The following MTCL1 variants were observed in gnomAD, a reference collection of about 807,000 sequenced individuals.
MTCL1 encodes the protein microtubule cross-linking factor 1.
Under a neutral mutation model 141.4 loss-of-function variants are expected in MTCL1, and 79 were observed. The ratio of observed to expected loss-of-function variants is 0.56; its 90% confidence interval spans 0.47 to 0.67. The LOEUF is 0.67. Ranked by LOEUF, MTCL1 falls within the 30% of genes least tolerant of loss-of-function variation. The pLI is 0.00. For synonymous variants in MTCL1, 914 were observed against 875.8 expected, an observed-to-expected ratio of 1.04 and a Z score of -0.77; for missense variants, 2,177 against 2,113.9, an observed-to-expected ratio of 1.03 and a Z score of -0.59.
rs1002199788 is a variant in MTCL1, at chr18:8,824,128, G to C, written c.3189-571G>C. Reference sequence around the variant, plus strand: ...TTCCTGACCACCACTTCTTTGCCCTGGTGGTAGTCGTGCCCGAGCACTCCG... The same window carrying C: ...TTCCTGACCACCACTTCTTTGCCCTCGTGGTAGTCGTGCCCGAGCACTCCG... On this transcript the variant is annotated intron_variant, in intron 14 of 16. Transcript: ENST00000359865. Among the ~76,000 whole-genome samples the C allele has an allele frequency of 2.6e-5, 4 of 152,300 alleles. 1 individual carries two copies. The highest frequency in any genetic ancestry group is 9.6e-5 in the African/African-American group (4 of 41,562).
intron 4 of MTCL1, among the ~76,000 whole-genome samples, chr18:8,726,633 T>G (rs1402634986): frequency 1.3e-5 from 2 of 151,994 alleles, no homozygotes; most frequent in Non-Finnish European, 2.9e-5. Context: ...CCATAGAACA[T>G]CACGCTGAGG....
chr18:8,759,087 A>G (rs2096417202), intron 4 of MTCL1, among the ~76,000 whole-genome samples: 1 of 152,222 alleles, frequency 6.6e-6, no homozygotes, highest in Non-Finnish European at 1.5e-5. Flanking sequence ...TGCATTTGCG[A>G]TCACACTTTG....
chr18:8,728,675 A>G (rs2096231580), intron 4 of MTCL1, among the ~76,000 whole-genome samples: 1 of 150,274 alleles, frequency 6.7e-6, no homozygotes, highest in Non-Finnish European at 1.5e-5. Context: ...TATTCTTTCT[A>G]AAACTTCTGC....
chr18:8,753,116 G>A (rs1238646193), intron 4 of MTCL1, among the ~76,000 whole-genome samples: 1 of 152,192 alleles, frequency 6.6e-6, no homozygotes, highest in Non-Finnish European at 1.5e-5. Context: ...CGAACTTCTG[G>A]CACAGACAGA....
At chr18:8,712,289 G>A (rs1296484322) in intron 1 of MTCL1, among the ~76,000 whole-genome samples, 1 of 152,238 alleles carries the variant, frequency 6.6e-6, no homozygotes, top group Non-Finnish European at 1.5e-5. Flanking sequence ...CTAAGGGAGA[G>A]GTTGAGTTTT....
At chr18:8,750,848 A>T (rs1369330340) in intron 4 of MTCL1, among the ~76,000 whole-genome samples, 1 of 152,138 alleles carries the variant, frequency 6.6e-6, no homozygotes, top group Non-Finnish European at 1.5e-5. Flanking sequence ...AACTGAATTT[A>T]TTTCCGGGAG....
At chr18:8,831,262 G>A (rs1236084680) in intron 16 of MTCL1, 1 of 1,096,814 alleles carries the variant, frequency 9.1e-7, no homozygotes, top group Non-Finnish European at 1.1e-6. Flanking sequence ...TACCAGATAG[G>A]AATATGATGA....
chr18:8,804,735 C>T (rs1175210271), intron 10 of MTCL1, among the ~76,000 whole-genome samples: 4 of 152,158 alleles, frequency 2.6e-5, no homozygotes, highest in Non-Finnish European at 5.9e-5. Flanking sequence ...TGGCTCATGC[C>T]TACAATCCCA....
intron 16 of MTCL1, chr18:8,829,568 C>A: frequency 1.0e-6 from 1 of 984,654 alleles, no homozygotes; most frequent in Non-Finnish European, 1.2e-6. Context: ...GAGACCTTCC[C>A]TCAGAATTGC....
chr18:8,793,301 C>CT, intron 8 of MTCL1, among the ~76,000 whole-genome samples, 181 bp downstream of exon 7: 1 of 152,216 alleles, frequency 6.6e-6, no homozygotes. Context: ...AAAGATAACT[C>CT]TGCTTTTCTG....
chr18:8,826,346 T>C (rs1187171127), intron 15 of MTCL1, 114 bp downstream of exon 14: 2 of 1,058,828 alleles, frequency 1.9e-6, no homozygotes, highest in Non-Finnish European at 2.7e-6. Context: ...TCGTCCATGA[T>C]TGGTTATTGG....
intron 1 of MTCL1, among the ~76,000 whole-genome samples, chr18:8,710,453 CTTTCTTTTTTTT>C (rs1316496362): frequency 1.8e-5 from 2 of 112,424 alleles, no homozygotes; most frequent in East Asian, 2.8e-4. Context: ...AACCCAGGCA[CTTTCTTTTTTTT>C]TTTTTTTTTT....
In MTCL1 at chr18:8,786,118, C is replaced by CA. The variant is rs770424232; in HGVS notation, c.1887+27_1887+28insA. On this transcript the variant is annotated intron_variant, in intron 7 of 16. Coordinates refer to ENST00000359865, the Ensembl canonical transcript of MTCL1. Reference sequence around the variant, plus strand: ...TCAGCGTGGGCAAGCAATCCCCCCCCCCCGCCCTCCCCCTCCTTTTTCTGT... The same window carrying CA: ...TCAGCGTGGGCAAGCAATCCCCCCCCACCCGCCCTCCCCCTCCTTTTTCTGT... 90 of 1,400,520 alleles carry CA rather than the reference C, an allele frequency of 6.4e-5. 1 individual carries two copies. The highest frequency in any genetic ancestry group is 1.8e-4 in the Middle Eastern group (1 of 5,466). The allele number at this position is 1,400,520 out of a possible 1,614,324, so 86.8% of individuals were successfully genotyped here.
In MTCL1 at chr18:8,777,900, G is replaced by A; in HGVS notation, c.417+8G>A. ...AAGAAAACCTTTAACCAGGTAAGCAGAGGTTTTCATTCTAATGTTACATCT... is the reference window on the plus strand; with the variant it reads ...AAGAAAACCTTTAACCAGGTAAGCAAAGGTTTTCATTCTAATGTTACATCT... On this transcript the variant is annotated splice_region_variant and intron_variant, in intron 5 of 16. Transcript: ENST00000359865. 2 of 1,612,876 alleles carry A rather than the reference G, an allele frequency of 1.2e-6. No individual in the cohort carries two copies. Among genetic ancestry groups the A allele is most frequent in the Non-Finnish European group, 1.7e-6 (2 of 1,179,572 alleles).
At chr18:8,718,107 G>C in intron 2 of MTCL1, 5 of 676,494 alleles carry the variant, frequency 7.4e-6, no homozygotes, top group Non-Finnish European at 1.1e-5. Context: ...TGAATTGAAA[G>C]GTTCAATTAT....
chr18:8,770,329 C>T (rs2096480102), intron 4 of MTCL1, among the ~76,000 whole-genome samples: 1 of 152,204 alleles, frequency 6.6e-6, no homozygotes, highest in Non-Finnish European at 1.5e-5. Context: ...TCAGCTTGGG[C>T]TGCTGTAACA....
chr18:8,797,483 G>A (rs2075966662), intron 9 of MTCL1, among the ~76,000 whole-genome samples: 1 of 152,208 alleles, frequency 6.6e-6, no homozygotes, highest in Non-Finnish European at 1.5e-5. Flanking sequence ...GCACACCCGG[G>A]GCTGGCGCCA....
chr18:8,801,385 C>A (rs2076117908), intron 10 of MTCL1, among the ~76,000 whole-genome samples: 1 of 151,474 alleles, frequency 6.6e-6, no homozygotes, highest in Non-Finnish European at 1.5e-5. Flanking sequence ...GTACGTCATA[C>A]CGTGATTCAT....
At chr18:8,732,842 G>A (rs1053069611) in intron 4 of MTCL1, among the ~76,000 whole-genome samples, 1 of 152,218 alleles carries the variant, frequency 6.6e-6, no homozygotes, top group African/African-American at 2.4e-5. Context: ...AGTTAGGTGT[G>A]TGTTTGTTCC....
Sources: gnomAD v4.1 joint callset for allele counts (sites outside exome capture counted in the v4.1 genomes callset) on GRCh38, gnomAD v4.1.1 for gene constraint, MANE v1.5 for transcripts, NCBI Gene and HGNC (gene_info 2026-07-23, HGNC 2026-07-21) for gene names.